Variants in SOS1 observed in about 807,000 individuals in gnomAD.
The protein encoded by SOS1 is son of sevenless homolog 1.
In SOS1, 25 loss-of-function variants were observed where a neutral mutation model predicts 157.6. That is an observed-to-expected ratio of 0.16 (90% CI 0.12 to 0.22). The LOEUF is 0.22. SOS1 is among the 10% of genes least tolerant of loss of function. The pLI is 1.00. For missense variants in SOS1, 1,237 were observed against 1,599.1 expected (o/e 0.77, Z 3.86); for synonymous variants, 528 against 534.0 (o/e 0.99, Z 0.16).
At chr2:39,016,999 C>T (rs1669651664) in intron 10 of SOS1, among the ~76,000 whole-genome samples, 2 of 152,100 alleles carry the variant, frequency 1.3e-5, no homozygotes, top group South Asian at 4.1e-4. Context: ...CTGGGAAAGC[C>T]ATGATGTGTC....
intron 8 of SOS1, among the ~76,000 whole-genome samples, chr2:39,032,253 T>C (rs1054108811): frequency 1.3e-5 from 2 of 152,128 alleles, no homozygotes; most frequent in African/African-American, 4.8e-5. Flanking sequence ...CTAACTGAAA[T>C]TTTGTGTCAT....
intron 1 of SOS1, among the ~76,000 whole-genome samples, chr2:39,097,474 A>G (rs1250684170): frequency 3.3e-5 from 5 of 152,200 alleles, no homozygotes; most frequent in East Asian, 1.9e-4. Flanking sequence ...GCTAGCAAAG[A>G]ATGTTTTAAC....
At chr2:39,027,076 C>T (rs1223040640) in intron 8 of SOS1, among the ~76,000 whole-genome samples, 5 of 152,208 alleles carry the variant, frequency 3.3e-5, no homozygotes, top group Admixed American at 6.5e-5. Context: ...GGCAATTTTT[C>T]GGTCTTAAAT....
intron 17 of SOS1, 115 bp downstream of exon 17, chr2:39,006,297 G>T: frequency 4.0e-6 from 3 of 752,520 alleles, no homozygotes; most frequent in South Asian, 2.9e-5. Flanking sequence ...GCTAAATATT[G>T]ATCAAACAAG....
chr2:39,042,364 T>G (rs1670600517), intron 6 of SOS1, among the ~76,000 whole-genome samples: 1 of 152,168 alleles, frequency 6.6e-6, no homozygotes, highest in Admixed American at 6.6e-5. Context: ...ATATTTCCAT[T>G]TATTCAGATC....
At chr2:39,035,649 T>C (rs1670315773) in intron 6 of SOS1, 149 bp from the exon 7 acceptor site, 1 of 655,040 alleles carries the variant, frequency 1.5e-6, no homozygotes, top group Admixed American at 2.6e-5. Context: ...ATAATTTTAA[T>C]AGAAGAGATC....
chr2:39,080,023 G>T (rs886080989), intron 1 of SOS1, among the ~76,000 whole-genome samples: 9 of 151,926 alleles, frequency 5.9e-5, no homozygotes, highest in Non-Finnish European at 1.0e-4. Context: ...AGACTCGGGT[G>T]GGGAGGATGG....
Position 39,023,001 on chromosome 2 carries a change from C to A in SOS1, c.1427G>T (p.Gly476Val). 6.2e-7 allele frequency: 1 copy of A among 1,613,734 alleles called. No homozygotes were observed. The highest frequency in any genetic ancestry group is 8.5e-7 in the Non-Finnish European group (1 of 1,179,786). Residue 476 changes from glycine to valine, a missense_variant, in exon 10 of 23, where the codon GGG becomes GTG. By Grantham distance (109) the Gly-to-Val change is moderately radical. Around this residue, in one of 15 missense-constraint regions of SOS1, gnomAD observed 210 missense variants for 220.2 expected, o/e 0.95. Transcript: ENST00000402219. ...GLMICCKSNH[G>V]QPRLPGASNA... ...GCTAGCACCAGGAAGTCTTGGCTGC[C>A]CATGATTTGATTTACAGCAAATCAT...
chr2:39,002,847 T>A (rs1669149171), intron 17 of SOS1, among the ~76,000 whole-genome samples: 4 of 151,936 alleles, frequency 2.6e-5, no homozygotes, highest in Admixed American at 2.6e-4. Flanking sequence ...GGTGGATCTC[T>A]TGAGCTCAGG....
At chr2:38,989,450 C>T (rs1051887616) in intron 20 of SOS1, 136 bp from the exon 21 acceptor site, 2 of 638,094 alleles carry the variant, frequency 3.1e-6, no homozygotes, top group Non-Finnish European at 5.8e-6. Context: ...TATAGTAAAA[C>T]CTCATTACTA....
chr2:38,983,920 C>T lies in SOS1; in HGVS notation c.*1904G>A, dbSNP rs1668474374. 6.6e-6 allele frequency: 1 copy of T among 152,106 alleles called. No homozygotes were observed. Among genetic ancestry groups the T allele is most frequent in the Admixed American group, 6.6e-5 (1 of 15,260 alleles). The allele number at this position is 152,106 out of a possible 1,614,324, so 9.4% of individuals were successfully genotyped here. Reference sequence around the variant, plus strand: ...ATTTTATAAAGAGAAGAATGGCTACCATCATAGGAATGGTACAGATATTGA... The same window carrying T: ...ATTTTATAAAGAGAAGAATGGCTACTATCATAGGAATGGTACAGATATTGA... On this transcript the variant is annotated 3_prime_UTR_variant, in exon 23 of 23. Coordinates refer to ENST00000402219, the MANE Select transcript of SOS1 (RefSeq NM_005633.4).
chr2:39,114,953 C>T (rs1469973063), intron 1 of SOS1, among the ~76,000 whole-genome samples: 2 of 152,054 alleles, frequency 1.3e-5, no homozygotes, highest in Non-Finnish European at 1.5e-5. Flanking sequence ...GGTTTCATTC[C>T]TTCTGCCTGA....
chr2:39,080,976 A>G (rs1271929135), intron 1 of SOS1, among the ~76,000 whole-genome samples: 1 of 152,024 alleles, frequency 6.6e-6, no homozygotes, highest in East Asian at 1.9e-4. Flanking sequence ...GCTTGAGCCT[A>G]GGAGTTCAAG....
At chr2:38,991,718 C>G (rs1407562716) in intron 20 of SOS1, among the ~76,000 whole-genome samples, 1 of 152,200 alleles carries the variant, frequency 6.6e-6, no homozygotes, top group African/African-American at 2.4e-5. Context: ...TTTCTATAAG[C>G]TTCTCCAGTA....
Position 39,102,663 on chromosome 2 carries a change from G to A in SOS1, c.87+17673C>T, listed in dbSNP as rs113235428. Among the ~76,000 whole-genome samples the A allele has an allele frequency of 6.2e-3, 950 of 152,042 alleles. 13 individuals carry two copies. The highest frequency in any genetic ancestry group is 0.021 in the African/African-American group (858 of 41,460). On this transcript the variant is annotated intron_variant, in intron 1 of 22. Transcript: ENST00000402219. ...GATTCTGGAAAAGAAAGACTGGTGC[G>A]GCCGGGCATGGTAGCTCACGCCCAT... is the stretch of plus-strand genomic sequence containing the variant.
intron 2 of SOS1, among the ~76,000 whole-genome samples, chr2:39,065,469 CT>C (rs1185107584): frequency 6.6e-6 from 1 of 152,210 alleles, no homozygotes; most frequent in African/African-American, 2.4e-5. Flanking sequence ...ACCTTCACCC[CT>C]GGTCTAGCCA....
chr2:38,996,834 G>T lies in SOS1; in HGVS notation c.3081+88C>A, dbSNP rs568424881. The T allele has an allele frequency of 2.5e-4, 199 of 788,180 alleles. 1 individual carries two copies. In the South Asian group the frequency reaches 2.6e-3, roughly 10 times the overall value. The allele number at this position is 788,180 out of a possible 1,614,324, so 48.8% of individuals were successfully genotyped here. A position where few individuals can be genotyped will look rare whatever the true frequency, so the allele number is the denominator to read the frequency against. ...TTTTCATTACTTTTAACTATCACAT[G>T]TATACTTCATCCCTGAATACCTTTA... is the stretch of plus-strand genomic sequence containing the variant. On this transcript the variant is annotated intron_variant, in intron 19 of 22. Transcript: ENST00000402219.
chr2:39,054,681 T>G lies in SOS1; in HGVS notation c.653A>C (p.Glu218Ala). The change falls in exon 5 of 23, where the codon GAA becomes GCA. Residue 218 changes from glutamate (E) to alanine (A), a missense_variant. By Grantham distance (107) the Glu-to-Ala change is moderately radical. This residue lies in a region of SOS1 where 108 missense variants were observed against 115.3 expected (regional missense o/e 0.94). Transcript: ENST00000402219. ...FMAEIRQYIR[E>A]LNLIIKVFRE... ...AAAAACTTTTATAATTAGATTTAGT[T>G]CCCTTATATATTGTCGAATTTCTGC... 1 of 1,600,300 alleles carries G rather than the reference T, an allele frequency of 6.2e-7. No individual in the cohort carries two copies. The highest frequency in any genetic ancestry group is 8.6e-7 in the Non-Finnish European group (1 of 1,167,628).
At chr2:39,023,358 T>G in intron 9 of SOS1, 133 bp from the exon 10 acceptor site, 1 of 615,628 alleles carries the variant, frequency 1.6e-6, no homozygotes, top group Non-Finnish European at 2.7e-6. Context: ...CCAAATAGAT[T>G]AGAATTACAA....
Sources: allele counts gnomAD v4.1 joint callset (sites outside exome capture counted in the v4.1 genomes callset), GRCh38; gene constraint gnomAD v4.1.1; regional missense constraint gnomAD v4.1.1; transcripts MANE v1.5; gene names NCBI Gene and HGNC (gene_info 2026-07-23, HGNC 2026-07-21).